The following PCED1B variants were observed in gnomAD, a reference collection of about 807,000 sequenced individuals.
The protein encoded by PCED1B is PC-esterase domain-containing protein 1B.
For synonymous variants in PCED1B, 251 were observed against 246.1 expected (o/e 1.02, Z -0.19); for missense variants, 573 against 573.9 (o/e 1.00, Z 0.02).
chr12:47,124,499 A>G (rs1209304067), intron 2 of PCED1B, among the ~76,000 whole-genome samples: 3 of 125,162 alleles, frequency 2.4e-5, no homozygotes, highest in Non-Finnish European at 4.9e-5. Flanking sequence ...AAGTCTTTGT[A>G]TATACATGAG....
chr12:47,211,845 G>A lies in PCED1B; in HGVS notation c.-525-4377G>A, dbSNP rs1402170635. On this transcript the variant is annotated intron_variant, in intron 2 of 3. Coordinates refer to ENST00000546455, the MANE Select transcript of PCED1B (RefSeq NM_138371.3). ...AATCCCAGCACTTTGGGAGGCCGAG[G>A]CGGGCGGATCACGAGGTCAGGAGAT... Among the ~76,000 whole-genome samples the A allele has an allele frequency of 2.7e-5, 4 of 149,072 alleles. No homozygotes were observed. In the East Asian group the frequency reaches 6.0e-4, roughly 22 times the overall value.
At chr12:47,094,760 C>T (rs751451410) in intron 1 of PCED1B, among the ~76,000 whole-genome samples, 49 of 152,094 alleles carry the variant, frequency 3.2e-4, no homozygotes, top group Non-Finnish European at 5.0e-4. Flanking sequence ...TTTTATACTA[C>T]AAACGACGTT....
chr12:47,121,241 C>T (rs1038712475), intron 2 of PCED1B, among the ~76,000 whole-genome samples: 16 of 152,106 alleles, frequency 1.1e-4, no homozygotes, highest in South Asian at 4.1e-4. Flanking sequence ...ACATTGTAGG[C>T]GACGGTTTAT....
At chr12:47,218,968 C>G (rs1346186220) in intron 3 of PCED1B, among the ~76,000 whole-genome samples, 1 of 152,062 alleles carries the variant, frequency 6.6e-6, no homozygotes, top group African/African-American at 2.4e-5. Context: ...CGGTGAAACT[C>G]CGCCTCTACT....
intron 1 of PCED1B, among the ~76,000 whole-genome samples, chr12:47,085,437 G>A (rs1403214799): frequency 6.6e-6 from 1 of 152,132 alleles, no homozygotes; most frequent in African/African-American, 2.4e-5. Flanking sequence ...ATAGTTGAGA[G>A]GTCACTTTAA....
intron 2 of PCED1B, among the ~76,000 whole-genome samples, chr12:47,112,273 A>C (rs1464397550): frequency 6.6e-6 from 1 of 152,238 alleles, no homozygotes; most frequent in Non-Finnish European, 1.5e-5. Flanking sequence ...CCAAACTTGC[A>C]TCAGGGGATT....
chr12:47,089,461 C>CATGTATATGTATATATAT (rs1233280547), intron 1 of PCED1B, among the ~76,000 whole-genome samples: 1 of 63,398 alleles, frequency 1.6e-5, no homozygotes, highest in Admixed American at 2.7e-4. Context: ...AAAAAAAATA[C>CATGTATATGTATATATAT]ATATATATAT....
intron 2 of PCED1B, among the ~76,000 whole-genome samples, chr12:47,212,816 C>G (rs1592292768): frequency 6.6e-6 from 1 of 152,248 alleles, no homozygotes; most frequent in Non-Finnish European, 1.5e-5. Context: ...AACTTCACAA[C>G]TGGAAGTGGG....
Position 47,235,757 on chromosome 12 carries a change from T to A in PCED1B, c.694T>A (p.Trp232Arg), listed in dbSNP as rs745945774. 2 of 1,598,314 alleles carry A rather than the reference T, an allele frequency of 1.3e-6. No individual in the cohort carries two copies. Among genetic ancestry groups the A allele is most frequent in the South Asian group, 2.2e-5 (2 of 89,116 alleles). ...RENLHWDGVH[W>R]NGRVHRCLSQ... ...GAACCTGCACTGGGACGGGGTGCAC[T>A]GGAATGGACGTGTGCACCGCTGCCT... Residue 232 changes from tryptophan (W) to arginine (R), a missense_variant, in exon 4 of 4, where the codon TGG (tryptophan) becomes AGG (arginine). Coordinates refer to ENST00000546455, the MANE Select transcript of PCED1B (RefSeq NM_138371.3).
chr12:47,183,640 C>CCCGTTT (rs1942163941), intron 2 of PCED1B, among the ~76,000 whole-genome samples: 2 of 151,960 alleles, frequency 1.3e-5, no homozygotes, highest in South Asian at 4.2e-4. Flanking sequence ...TTTTACTGAA[C>CCCGTTT]ACAGTACAGT....
At chr12:47,116,059 T>C (rs1173332480) in intron 2 of PCED1B, among the ~76,000 whole-genome samples, 1 of 152,242 alleles carries the variant, frequency 6.6e-6, no homozygotes, top group Non-Finnish European at 1.5e-5. Flanking sequence ...AATTGTTTCA[T>C]GATTTCTATT....
chr12:47,093,482 C>A (rs1275149202), intron 1 of PCED1B, among the ~76,000 whole-genome samples: 2 of 151,222 alleles, frequency 1.3e-5, no homozygotes, highest in Non-Finnish European at 3.0e-5. Flanking sequence ...TTTATCATTT[C>A]TTTTTGTAAG....
rs544390308 is a variant in PCED1B, at chr12:47,172,827, A to G, written c.-525-43395A>G. ...AACTGTCTCCTGAGATCCTGCTCAG[A>G]TCAGCTGCCTAGCCTAGAGGAAACA... On this transcript the variant is annotated intron_variant, in intron 2 of 3. Transcript: ENST00000546455. 3.3e-5 allele frequency among the ~76,000 whole-genome samples: 5 copies of G among 152,358 alleles called. No individual in the cohort carries two copies. In the South Asian group the frequency reaches 8.3e-4, roughly 25 times the overall value.
intron 2 of PCED1B, among the ~76,000 whole-genome samples, chr12:47,149,024 T>C (rs1525452): frequency 0.48 from 72,415 of 152,152 alleles, 20,132 homozygotes; most frequent in Non-Finnish European, 0.61. Flanking sequence ...GAAATGGCAC[T>C]GCTGAGAATC....
At chr12:47,185,508 G>A (rs945334429) in intron 2 of PCED1B, among the ~76,000 whole-genome samples, 4 of 152,168 alleles carry the variant, frequency 2.6e-5, no homozygotes, top group African/African-American at 9.7e-5. Flanking sequence ...TATTAGAGTG[G>A]CCCGGCACGG....
intron 3 of PCED1B, 104 bp downstream of exon 3, chr12:47,216,793 A>C (rs1369371050): frequency 6.6e-6 from 1 of 152,250 alleles, no homozygotes; most frequent in African/African-American, 2.4e-5. Flanking sequence ...TGTAGACAGG[A>C]ATCAGCACCC....
intron 2 of PCED1B, among the ~76,000 whole-genome samples, chr12:47,157,046 G>A (rs908299387): frequency 3.9e-5 from 6 of 152,062 alleles, no homozygotes; most frequent in African/African-American, 1.4e-4. Context: ...GCTCCATGAG[G>A]ACAGAGACCA....
intron 2 of PCED1B, among the ~76,000 whole-genome samples, chr12:47,180,158 G>A (rs1430148730): frequency 6.6e-5 from 10 of 152,064 alleles, no homozygotes; most frequent in African/African-American, 2.4e-4. Context: ...TGTTCTCATC[G>A]TTCACCTCCC....
At chr12:47,148,714 C>T (rs374036547) in intron 2 of PCED1B, among the ~76,000 whole-genome samples, 1 of 152,132 alleles carries the variant, frequency 6.6e-6, no homozygotes, top group Non-Finnish European at 1.5e-5. Context: ...CAAAGGAAAG[C>T]CTTCTACTCT....
Sources: allele counts gnomAD v4.1 joint callset (sites outside exome capture counted in the v4.1 genomes callset), GRCh38; gene constraint gnomAD v4.1.1; transcripts MANE v1.5; gene names NCBI Gene and HGNC (gene_info 2026-07-23, HGNC 2026-07-21).